The following FAM20B variants were observed in gnomAD, a reference collection of about 807,000 sequenced individuals.
The protein encoded by FAM20B is FAM20B glycosaminoglycan xylosylkinase.
In FAM20B, 23 loss-of-function variants were observed where a neutral mutation model predicts 43.8. The observed-to-expected ratio is 0.53, with a 90% confidence interval of 0.38 to 0.74. The LOEUF is 0.74. Among genes scored for constraint, FAM20B ranks in the 30% least tolerant of loss-of-function variants. FAM20B has a pLI of 0.00. For missense variants in FAM20B, 440 were observed against 510.5 expected (o/e 0.86, Z 1.33); for synonymous variants, 178 against 192.4 (o/e 0.93, Z 0.62).
intron 2 of FAM20B, among the ~76,000 whole-genome samples, chr1:179,046,539 C>A (rs796581259): frequency 6.6e-6 from 1 of 151,940 alleles, no homozygotes; most frequent in East Asian, 1.9e-4. Context: ...GTAATCCTAG[C>A]TACTCAGGAG....
In FAM20B at chr1:179,064,478, T is replaced by C; in HGVS notation, c.920T>C (p.Leu307Pro). The stretch of plus-strand genomic sequence containing the variant: ...GATGAAGGCGCTAGTATGCTCATCC[T>C]TCTTGATAATGCCAAAAGGTGAGAC... ...QDDEGASMLI[L>P]LDNAKSFGNP... The change falls in exon 6 of 8, where the codon CTT becomes CCT. Residue 307 changes from leucine to proline, a missense_variant. Coordinates refer to ENST00000263733, the MANE Select transcript of FAM20B (RefSeq NM_014864.4). The C allele has an allele frequency of 6.2e-7, 1 of 1,613,306 alleles. No homozygotes were observed. The highest frequency in any genetic ancestry group is 8.5e-7 in the Non-Finnish European group (1 of 1,179,282).
chr1:179,037,295 A>C (rs1364423964), intron 1 of FAM20B, among the ~76,000 whole-genome samples: 1 of 152,022 alleles, frequency 6.6e-6, no homozygotes, highest in Non-Finnish European at 1.5e-5. Context: ...GACAAATTGC[A>C]CTCTTACTCA....
In FAM20B at chr1:179,066,974, A is replaced by G. The variant is rs1471069234; in HGVS notation, c.998+115A>G. On this transcript the variant is annotated intron_variant, in intron 7 of 7. Coordinates refer to ENST00000263733, the MANE Select transcript of FAM20B (RefSeq NM_014864.4). ...TTCTGATACCTGAGCAGTGCTTTTCATACTTTTCCAACCTAGAACCTCTGG... is the reference window on the plus strand; with the variant it reads ...TTCTGATACCTGAGCAGTGCTTTTCGTACTTTTCCAACCTAGAACCTCTGG... 3 of 720,828 alleles carry G rather than the reference A, an allele frequency of 4.2e-6. No homozygotes were observed. The East Asian group carries it at 7.9e-5, about 19-fold the overall frequency. The allele number at this position is 720,828 out of a possible 1,614,324, so 44.7% of individuals were successfully genotyped here. A position where few individuals can be genotyped will look rare whatever the true frequency, so the allele number is the denominator to read the frequency against.
At chr1:179,062,855 A>G (rs1319968234) in intron 4 of FAM20B, among the ~76,000 whole-genome samples, 1 of 151,576 alleles carries the variant, frequency 6.6e-6, no homozygotes, top group Non-Finnish European at 1.5e-5. Context: ...CTCTATACCT[A>G]CCCCTCTATG....
chr1:179,034,937 C>T (rs1295773436), intron 1 of FAM20B, among the ~76,000 whole-genome samples: 1 of 152,198 alleles, frequency 6.6e-6, no homozygotes, highest in Non-Finnish European at 1.5e-5. Context: ...TTTACTTTTA[C>T]CATAACTTTC....
At chr1:179,067,884 C>T (rs1651755642) in intron 7 of FAM20B, among the ~76,000 whole-genome samples, 1 of 152,122 alleles carries the variant, frequency 6.6e-6, no homozygotes, top group South Asian at 2.1e-4. Context: ...GTGCCTCAGC[C>T]TCCCGAGTAG....
intron 4 of FAM20B, among the ~76,000 whole-genome samples, chr1:179,061,076 A>ATTTTT (rs67897742): frequency 2.4e-5 from 3 of 126,288 alleles, no homozygotes; most frequent in Non-Finnish European, 3.2e-5. Context: ...TCTTTGTCGA[A>ATTTTT]TTTTTTTTTT....
chr1:179,063,246 T>C (rs576194838), intron 4 of FAM20B, among the ~76,000 whole-genome samples: 13 of 150,536 alleles, frequency 8.6e-5, no homozygotes, highest in South Asian at 2.1e-4. Context: ...CACTGCACTC[T>C]AGCCTGGGCG....
rs757964462 is a variant in FAM20B at position 179,063,998 on chromosome 1, A to G, written c.646A>G (p.Ile216Val). ...ETEPACADGD[I>V]MEGSVTLWLP... is the part of the protein sequence containing the mutation. ...AGAACCAGCTTGTGCTGATGGAGACATAATGGAGGGATCTGTCACACTTTG... is the reference window on the plus strand; with the variant it reads ...AGAACCAGCTTGTGCTGATGGAGACGTAATGGAGGGATCTGTCACACTTTG... Residue 216 changes from isoleucine (I) to valine (V), a missense_variant, in exon 5 of 8, where the codon ATA (isoleucine) becomes GTA (valine). Coordinates refer to ENST00000263733, the MANE Select transcript of FAM20B (RefSeq NM_014864.4). 2.5e-6 allele frequency: 4 copies of G among 1,613,916 alleles called. No homozygotes were observed. The highest frequency in any genetic ancestry group is 1.7e-5 in the Admixed American group (1 of 60,020).
chr1:179,060,508 A>G (rs1651418693), intron 4 of FAM20B, among the ~76,000 whole-genome samples: 1 of 152,178 alleles, frequency 6.6e-6, no homozygotes, highest in East Asian at 1.9e-4. Flanking sequence ...ATATTCTCAT[A>G]GGAGCACAAG....
chr1:179,018,977 G>A, the FAM20B span, among the ~76,000 whole-genome samples: 4 of 152,276 alleles, frequency 2.6e-5, no homozygotes, highest in South Asian at 2.1e-4. Context: ...GGGTAGCAAC[G>A]GCAGGGGAAG....
At chr1:179,055,846 G>C (rs922266269) in intron 4 of FAM20B, among the ~76,000 whole-genome samples, 1 of 152,134 alleles carries the variant, frequency 6.6e-6, no homozygotes, top group African/African-American at 2.4e-5. Context: ...CAAAATAATG[G>C]GAATATTAAT....
At chr1:179,059,990 C>A (rs116214727) in intron 4 of FAM20B, among the ~76,000 whole-genome samples, 3,241 of 151,006 alleles carry the variant, frequency 0.021, 64 homozygotes, top group Middle Eastern at 0.045. Context: ...AAAAAAAATT[C>A]TGTGAAATTC....
At chr1:179,030,280 T>C (rs1363568709) in intron 1 of FAM20B, among the ~76,000 whole-genome samples, 1 of 152,138 alleles carries the variant, frequency 6.6e-6, no homozygotes, top group East Asian at 1.9e-4. Flanking sequence ...TATAGGTGCA[T>C]TTATGTTCCT....
intron 4 of FAM20B, among the ~76,000 whole-genome samples, chr1:179,058,826 T>G (rs1181973201): frequency 1.3e-5 from 2 of 151,530 alleles, no homozygotes; most frequent in South Asian, 4.2e-4. Flanking sequence ...TATTCAAGAG[T>G]TGGAATGGAA....
At chr1:179,071,197 G>A (rs1171869049) in intron 7 of FAM20B, among the ~76,000 whole-genome samples, 3 of 151,988 alleles carry the variant, frequency 2.0e-5, no homozygotes, top group Non-Finnish European at 4.4e-5. Context: ...TCAGGAGGCT[G>A]AGGCAGGAGA....
intron 1 of FAM20B, among the ~76,000 whole-genome samples, chr1:179,030,587 T>C (rs965787007): frequency 1.3e-5 from 2 of 152,236 alleles, no homozygotes; most frequent in African/African-American, 4.8e-5. Flanking sequence ...TTGGTATACA[T>C]ATTCGCTATT....
At chr1:179,061,451 C>T (rs995711812) in intron 4 of FAM20B, among the ~76,000 whole-genome samples, 4 of 152,124 alleles carry the variant, frequency 2.6e-5, no homozygotes, top group Non-Finnish European at 5.9e-5. Flanking sequence ...GTCACCCAGG[C>T]TGGAGTGCAG....
At chr1:179,045,963 A>C (rs573373952) in intron 2 of FAM20B, among the ~76,000 whole-genome samples, 1 of 152,094 alleles carries the variant, frequency 6.6e-6, no homozygotes, top group Non-Finnish European at 1.5e-5. Context: ...TGTAATGCAC[A>C]CTATTTGCCA....
Sources: allele counts gnomAD v4.1 joint callset (sites outside exome capture counted in the v4.1 genomes callset), GRCh38; gene constraint gnomAD v4.1.1; transcripts MANE v1.5; gene names NCBI Gene and HGNC (gene_info 2026-07-23, HGNC 2026-07-21).